Variants in GALK1 observed in about 807,000 individuals in gnomAD.
The protein encoded by GALK1 is galactokinase.
GALK1 carries 30 observed loss-of-function variants against 38.6 expected under a neutral mutation model. The ratio of observed to expected loss-of-function variants is 0.78; its 90% CI spans 0.58 to 1.05. The LOEUF (loss-of-function observed/expected upper bound fraction) is 1.05. Ranked by LOEUF, GALK1 falls within the 50% of genes least tolerant of loss-of-function variation. The pLI, the probability that GALK1 is intolerant of heterozygous loss-of-function variation, is 0.00. For synonymous variants in GALK1, 240 were observed against 233.6 expected (o/e 1.03, Z -0.25); for missense variants, 512 against 540.5 (o/e 0.95, Z 0.52).
At chr17:75,756,409 C>T (rs1599321584), downstream of GALK1, 1 of 1,612,350 alleles carries the variant, frequency 6.2e-7, no homozygotes, top group Non-Finnish European at 8.5e-7. Flanking sequence ...CTACTGTGTG[C>T]CCCCACCTGA....
chr17:75,763,024 T>G lies in GALK1; in HGVS notation c.601A>C (p.Ile201Leu), dbSNP rs1254055111. 1.9e-6 allele frequency: 3 copies of G among 1,612,814 alleles called. No homozygotes were observed. Among genetic ancestry groups the G allele is most frequent in the Middle Eastern group, 1.6e-4 (1 of 6,084 alleles). The change falls in exon 4 of 8, where the codon ATT becomes CTT. Residue 201 changes from isoleucine (I) to leucine (L), a missense_variant. Ile to Leu is a conservative substitution (Grantham distance 5). Coordinates refer to ENST00000588479, the MANE Select transcript of GALK1 (RefSeq NM_000154.2). ...LMGQKGHALL[I>L]DCRSLETSLV... ...GGGAGCGAGCCCAACCTGCAGTCAA[T>G]GAGCAGCGCGTGGCCTTTCTGTCCC...
chr17:75,764,789 C>T (rs2061603629), intron 1 of GALK1, 183 bp downstream of exon 1: 2 of 693,112 alleles, frequency 2.9e-6, no homozygotes, highest in Non-Finnish European at 2.4e-6. Flanking sequence ...TTCCTCGCTT[C>T]CTCCCTTCCA....
At chr17:75,755,606 G>T (rs1215940388), downstream of GALK1, 2 of 1,519,576 alleles carry the variant, frequency 1.3e-6, no homozygotes, top group Admixed American at 1.7e-5. Context: ...GTGTAGACAT[G>T]CCAGCTGAGG....
intron 5 of GALK1, among the ~76,000 whole-genome samples, chr17:75,760,231 C>G (rs1479657493): frequency 6.6e-6 from 1 of 151,942 alleles, no homozygotes; most frequent in Non-Finnish European, 1.5e-5. Flanking sequence ...GTAGCTAGGA[C>G]TACAGGCACA....
Position 75,759,062 on chromosome 17 carries a change from C to T in GALK1, c.794-463G>A, listed in dbSNP as rs192145982. On this transcript the variant is annotated intron_variant, in intron 5 of 7. Transcript: ENST00000588479. ...TCAGTGTACTGCGCCCGGCCAAACC[C>T]GCAGGTTTAAGGGGGAAGGTTGTTA... Among the ~76,000 whole-genome samples, 1,026 of 152,162 alleles carry T rather than the reference C, an allele frequency of 6.7e-3. 4 individuals carry two copies. Among genetic ancestry groups the T allele is most frequent in the Non-Finnish European group, 0.011 (763 of 67,978 alleles).
chr17:75,753,967 C>A, downstream of GALK1: 1 of 1,262,024 alleles, frequency 7.9e-7, no homozygotes, highest in Non-Finnish European at 9.9e-7. Context: ...CACCCGGGCC[C>A]CCCGGAGGTG....
chr17:75,752,241 C>G (rs145351926), intron 8 of GALK1: 4 of 1,613,596 alleles, frequency 2.5e-6, no homozygotes, highest in Non-Finnish European at 3.4e-6. Flanking sequence ...TTATTGAGAA[C>G]CTTCGGGAGT....
downstream of GALK1, chr17:75,757,002 G>A (rs2061527330): frequency 1.2e-6 from 2 of 1,612,746 alleles, no homozygotes; most frequent in African/African-American, 1.3e-5. Context: ...GACCGTGCCG[G>A]GCCTCAGCGA....
intron 8 of GALK1, chr17:75,751,765 T>G: frequency 3.6e-6 from 1 of 281,250 alleles, no homozygotes; most frequent in South Asian, 3.6e-5. Flanking sequence ...AAAAGGATTA[T>G]TTTATACATT....
At chr17:75,759,310 C>T (rs1599333261) in intron 5 of GALK1, among the ~76,000 whole-genome samples, 1 of 151,954 alleles carries the variant, frequency 6.6e-6, no homozygotes, top group South Asian at 2.1e-4. Context: ...CGCCTGTAAT[C>T]GCAGCTACTC....
At chr17:75,764,343 G>C in intron 1 of GALK1, 3 of 729,934 alleles carry the variant, frequency 4.1e-6, no homozygotes, top group Non-Finnish European at 7.6e-6. Context: ...GCAAGGGGGA[G>C]AGCTAGCCCA....
intron 5 of GALK1, 52 bp from the exon 6 acceptor site, chr17:75,758,651 ACGCCTGTGAGGAC>A: frequency 6.5e-7 from 1 of 1,549,378 alleles, no homozygotes; most frequent in Non-Finnish European, 8.7e-7. Flanking sequence ...TGGGGCCCCG[ACGCCTGTGAGGAC>A]CAGCAGGCGG....
chr17:75,753,744 C>A, downstream of GALK1: 2 of 1,398,820 alleles, frequency 1.4e-6, no homozygotes, highest in Non-Finnish European at 1.9e-6. Context: ...GGTGCCAACG[C>A]GGCCCTTCGT....
At chr17:75,764,341 G>A in intron 1 of GALK1, 1 of 732,318 alleles carries the variant, frequency 1.4e-6, no homozygotes, top group Non-Finnish European at 2.5e-6. Flanking sequence ...GGGCAAGGGG[G>A]AGAGCTAGCC....
intron 1 of GALK1, chr17:75,764,351 C>T (rs763283225): frequency 1.8e-5 from 13 of 720,010 alleles, no homozygotes; most frequent in Non-Finnish European, 1.3e-5. Context: ...GAGAGCTAGC[C>T]CAAAGGGAAA....
At chr17:75,759,439 AAG>A (rs2061576933) in intron 5 of GALK1, among the ~76,000 whole-genome samples, 1 of 143,856 alleles carries the variant, frequency 7.0e-6, no homozygotes, top group Non-Finnish European at 1.5e-5. Context: ...AAAAAAAAGA[AAG>A]AAAGAAAGAA....
At chr17:75,760,378 C>T (rs1226751015) in intron 5 of GALK1, among the ~76,000 whole-genome samples, 4 of 151,720 alleles carry the variant, frequency 2.6e-5, no homozygotes, top group Non-Finnish European at 4.4e-5. Context: ...CAGGCACAGA[C>T]GTGAGCCACC....
downstream of GALK1, chr17:75,757,591 G>A (rs1460579796): frequency 3.7e-6 from 6 of 1,612,806 alleles, no homozygotes; most frequent in African/African-American, 1.3e-5. Context: ...GTCCCACTAG[G>A]CGTCCTCCCG....
downstream of GALK1, chr17:75,757,579 A>C: frequency 6.2e-7 from 1 of 1,611,944 alleles, no homozygotes; most frequent in African/African-American, 1.3e-5. Flanking sequence ...CACCCCCGCC[A>C]CGTCCCACTA....
Sources: allele counts gnomAD v4.1 joint callset (sites outside exome capture counted in the v4.1 genomes callset), GRCh38; gene constraint gnomAD v4.1.1; transcripts MANE v1.5; gene names NCBI Gene and HGNC (gene_info 2026-07-23, HGNC 2026-07-21).